Variants in AGBL1 observed in about 807,000 individuals in gnomAD.
AGBL1 encodes the protein cytosolic carboxypeptidase 4.
In AGBL1, 130 loss-of-function variants were observed where a neutral mutation model predicts 118.9. The ratio of observed to expected loss-of-function variants is 1.09; its 90% CI spans 0.95 to 1.26. The LOEUF is 1.26. AGBL1 is among the 50% of genes most tolerant of loss of function. The pLI is 0.00. For missense variants in AGBL1, 1,584 were observed against 1,298.1 expected, an observed-to-expected ratio of 1.22 and a Z score of -3.38; for synonymous variants, 555 against 478.9, an observed-to-expected ratio of 1.16 and a Z score of -2.08.
chr15:86,668,493 C>G (rs1387512927), intron 21 of AGBL1, among the ~76,000 whole-genome samples: 1 of 152,120 alleles, frequency 6.6e-6, no homozygotes, highest in Non-Finnish European at 1.5e-5. Context: ...CTATTTCTGG[C>G]AGTAAATCTA....
intron 22 of AGBL1, among the ~76,000 whole-genome samples, chr15:86,733,867 A>G (rs1005250555): frequency 6.6e-6 from 1 of 152,132 alleles, no homozygotes; most frequent in African/African-American, 2.4e-5. Context: ...GTCCCTTTGC[A>G]TGGGTCGTAT....
intron 22 of AGBL1, among the ~76,000 whole-genome samples, chr15:86,851,878 A>C (rs1348966031): frequency 1.6e-4 from 24 of 152,156 alleles, no homozygotes; most frequent in Admixed American, 1.6e-3. Context: ...GGTAGTGGGA[A>C]GTTCAGACTC....
At chr15:86,409,599 C>T (rs1384287334) in intron 18 of AGBL1, among the ~76,000 whole-genome samples, 2 of 152,108 alleles carry the variant, frequency 1.3e-5, no homozygotes, top group Admixed American at 6.6e-5. Flanking sequence ...CAGCATAAAC[C>T]TAATTTATGC....
At chr15:86,742,237 C>G (rs1268433096) in intron 22 of AGBL1, among the ~76,000 whole-genome samples, 1 of 152,078 alleles carries the variant, frequency 6.6e-6, no homozygotes, top group Admixed American at 6.6e-5. Flanking sequence ...CCTTTTTGTA[C>G]TTTTTATGAG....
downstream of AGBL1, among the ~76,000 whole-genome samples, chr15:86,918,182 G>C (rs1390568928): frequency 2.0e-5 from 3 of 152,218 alleles, no homozygotes; most frequent in Non-Finnish European, 4.4e-5. Context: ...ACATGAACCA[G>C]ACCTTGGGCT....
At chr15:86,210,980 G>T (rs995369475) in intron 5 of AGBL1, among the ~76,000 whole-genome samples, 1 of 152,166 alleles carries the variant, frequency 6.6e-6, no homozygotes. Flanking sequence ...TTTGATGCTG[G>T]TGACCTACAG....
Position 86,393,109 on chromosome 15 carries a change from C to T in AGBL1, c.2375-4257C>T, listed in dbSNP as rs147821770. Reference sequence around the variant, plus strand: ...CCAACTAGAACTGGCTAAAATACTGCTTATGTCTTCATGAGAATCCATCGT... The same window carrying T: ...CCAACTAGAACTGGCTAAAATACTGTTTATGTCTTCATGAGAATCCATCGT... On this transcript the variant is annotated intron_variant, in intron 17 of 22. Coordinates refer to ENST00000614907, the MANE Select transcript of AGBL1 (RefSeq NM_001386094.1). Among the ~76,000 whole-genome samples, 450 of 152,278 alleles carry T rather than the reference C, an allele frequency of 3.0e-3. 3 individuals are homozygous for T. The highest frequency in any genetic ancestry group is 5.4e-3 in the Non-Finnish European group (368 of 68,012).
chr15:86,112,697 T>C (rs892819490), intron 1 of AGBL1, among the ~76,000 whole-genome samples: 3 of 152,194 alleles, frequency 2.0e-5, no homozygotes, highest in Non-Finnish European at 4.4e-5. Context: ...ATGTAGCAAT[T>C]TACACTCTCT....
At chr15:86,926,323 A>G (rs1190065265) in intron 23 of AGBL1, among the ~76,000 whole-genome samples, 1 of 152,212 alleles carries the variant, frequency 6.6e-6, no homozygotes, top group African/African-American at 2.4e-5. Context: ...GAACAAAATG[A>G]ATGCCATTCG....
At chr15:86,931,021 C>G (rs961928234) in intron 23 of AGBL1, among the ~76,000 whole-genome samples, 3 of 152,156 alleles carry the variant, frequency 2.0e-5, no homozygotes, top group African/African-American at 4.8e-5. Flanking sequence ...TAAGGAGGAG[C>G]TGAGGACTGG....
At chr15:86,431,789 C>T (rs1044054463) in intron 18 of AGBL1, among the ~76,000 whole-genome samples, 34 of 152,186 alleles carry the variant, frequency 2.2e-4, no homozygotes, top group African/African-American at 7.7e-4. Flanking sequence ...GTTATCCCCT[C>T]TTTGACTTCT....
At chr15:86,720,342 C>T (rs1297571866) in intron 22 of AGBL1, among the ~76,000 whole-genome samples, 3 of 152,206 alleles carry the variant, frequency 2.0e-5, no homozygotes, top group African/African-American at 7.2e-5. Context: ...GATTTCTTCT[C>T]TTCAGTTATG....
At chr15:86,874,396 A>C (rs1198445334) in intron 22 of AGBL1, among the ~76,000 whole-genome samples, 1 of 151,954 alleles carries the variant, frequency 6.6e-6, no homozygotes, top group Non-Finnish European at 1.5e-5. Flanking sequence ...ACACACACAC[A>C]CACACACACA....
At chr15:86,995,568 G>A (rs1162387283) in intron 24 of AGBL1, among the ~76,000 whole-genome samples, 1 of 152,072 alleles carries the variant, frequency 6.6e-6, no homozygotes, top group Non-Finnish European at 1.5e-5. Flanking sequence ...AAGCCCTGAA[G>A]ATTATTTCCA....
At chr15:86,081,845 C>T (rs75791644) in intron 1 of AGBL1, among the ~76,000 whole-genome samples, 2,169 of 152,256 alleles carry the variant, frequency 0.014, 31 homozygotes, top group South Asian at 0.074. Context: ...GTCCTGTAGT[C>T]GGCCTCAAAG....
At chr15:86,640,217 A>T (rs754027123) in intron 21 of AGBL1, among the ~76,000 whole-genome samples, 5 of 152,168 alleles carry the variant, frequency 3.3e-5, no homozygotes, top group African/African-American at 1.2e-4. Flanking sequence ...AAAATAGACA[A>T]ATTCCTTCCA....
chr15:86,683,116 C>T (rs1432032609), intron 22 of AGBL1, among the ~76,000 whole-genome samples: 2 of 152,176 alleles, frequency 1.3e-5, no homozygotes, highest in Admixed American at 6.5e-5. Flanking sequence ...ATTACGAGTT[C>T]AGCAACACAA....
At chr15:86,131,265 T>C (rs993345792) in intron 1 of AGBL1, among the ~76,000 whole-genome samples, 5 of 152,142 alleles carry the variant, frequency 3.3e-5, no homozygotes, top group African/African-American at 1.2e-4. Context: ...TTCTATTTGG[T>C]AATAAGAGAG....
chr15:86,186,726 G>T (rs2077639274), intron 5 of AGBL1, among the ~76,000 whole-genome samples: 1 of 152,206 alleles, frequency 6.6e-6, no homozygotes, highest in Admixed American at 6.5e-5. Flanking sequence ...AATAAAAATG[G>T]AGCATCAGTT....
Sources: allele counts gnomAD v4.1 joint callset (sites outside exome capture counted in the v4.1 genomes callset), GRCh38; gene constraint gnomAD v4.1.1; transcripts MANE v1.5; gene names NCBI Gene and HGNC (gene_info 2026-07-23, HGNC 2026-07-21).